Variants in THEMIS observed in about 807,000 individuals in gnomAD.
THEMIS encodes the protein protein THEMIS.
In THEMIS, 37 loss-of-function variants were observed where a neutral mutation model predicts 52.6. That is an observed-to-expected ratio of 0.70 (90% CI 0.54 to 0.93). The LOEUF (loss-of-function observed/expected upper bound fraction) is 0.93, where lower values mean the gene tolerates loss of function less well. Among genes scored for constraint, THEMIS ranks in the 40% least tolerant of loss-of-function variants. The pLI is 0.00. For missense variants in THEMIS, 808 were observed against 763.1 expected, an observed-to-expected ratio of 1.06 and a Z score of -0.69; for synonymous variants, 292 against 272.7, an observed-to-expected ratio of 1.07 and a Z score of -0.70.
chr6:127,857,784 T>C (rs908958937), intron 1 of THEMIS, among the ~76,000 whole-genome samples: 3 of 152,010 alleles, frequency 2.0e-5, no homozygotes, highest in African/African-American at 7.2e-5. Flanking sequence ...TTGCAAACAT[T>C]GGCCTAGGCA....
At chr6:127,760,734 G>T (rs1562240576) in intron 4 of THEMIS, among the ~76,000 whole-genome samples, 1 of 152,068 alleles carries the variant, frequency 6.6e-6, no homozygotes, top group Non-Finnish European at 1.5e-5. Flanking sequence ...CTATGATCAT[G>T]CCACTGCACT....
chr6:127,746,493 G>C (rs1049976113), intron 4 of THEMIS, among the ~76,000 whole-genome samples: 2 of 149,884 alleles, frequency 1.3e-5, no homozygotes, highest in Admixed American at 1.4e-4. Flanking sequence ...ATTCAACTGA[G>C]TTAAGATTAT....
At chr6:127,774,688 C>T (rs1203010243) in intron 4 of THEMIS, among the ~76,000 whole-genome samples, 1 of 152,140 alleles carries the variant, frequency 6.6e-6, no homozygotes, top group Non-Finnish European at 1.5e-5. Context: ...AGTCCGCTAG[C>T]CAAGGATGAT....
intron 4 of THEMIS, among the ~76,000 whole-genome samples, chr6:127,754,301 C>T (rs181973020): frequency 1.3e-5 from 2 of 152,106 alleles, no homozygotes; most frequent in African/African-American, 4.8e-5. Context: ...TGTAGCTGAG[C>T]TTTAACACAA....
At chr6:127,855,236 A>G in intron 1 of THEMIS, 48 bp from the exon 2 acceptor site, 1 of 1,479,356 alleles carries the variant, frequency 6.8e-7, no homozygotes, top group Admixed American at 2.2e-5. Context: ...GAAAACAGTG[A>G]AAAACAAAGT....
chr6:127,912,846 G>A (rs1279856658), intron 1 of THEMIS, among the ~76,000 whole-genome samples: 1 of 152,172 alleles, frequency 6.6e-6, no homozygotes, highest in Non-Finnish European at 1.5e-5. Context: ...AATAGTGCCT[G>A]TAGGCCAAAT....
intron 4 of THEMIS, among the ~76,000 whole-genome samples, chr6:127,806,878 T>G (rs962487916): frequency 1.3e-5 from 2 of 152,226 alleles, no homozygotes; most frequent in African/African-American, 2.4e-5. Flanking sequence ...ATAACTCAAG[T>G]TTGGCTAACT....
At chr6:127,854,844 A>T (rs894091373) in intron 2 of THEMIS, among the ~76,000 whole-genome samples, 186 bp downstream of exon 2, 2 of 151,872 alleles carry the variant, frequency 1.3e-5, no homozygotes, top group Non-Finnish European at 2.9e-5. Flanking sequence ...CTTTCACTTT[A>T]AAAAAGGAGA....
intron 4 of THEMIS, among the ~76,000 whole-genome samples, chr6:127,787,811 A>ATAGATAGT (rs1777005237): frequency 6.9e-6 from 1 of 144,414 alleles, no homozygotes. Flanking sequence ...AGGTAGATAG[A>ATAGATAGT]TAGATAGATA....
intron 4 of THEMIS, among the ~76,000 whole-genome samples, chr6:127,750,466 T>C (rs1775601507): frequency 6.6e-6 from 1 of 151,852 alleles, no homozygotes; most frequent in African/African-American, 2.4e-5. Context: ...TCACTAATTA[T>C]AGGCACAGTT....
intron 1 of THEMIS, among the ~76,000 whole-genome samples, chr6:127,868,893 A>T (rs1406001473): frequency 6.6e-6 from 1 of 152,162 alleles, no homozygotes; most frequent in Non-Finnish European, 1.5e-5. Flanking sequence ...TAAATATATG[A>T]TATATGCCAA....
intron 1 of THEMIS, among the ~76,000 whole-genome samples, chr6:127,891,097 T>G (rs1780791337): frequency 6.6e-6 from 1 of 152,162 alleles, no homozygotes; most frequent in Admixed American, 6.6e-5. Flanking sequence ...CTTTTGTTTT[T>G]CTCACTAAAA....
chr6:127,702,920 C>T, the THEMIS span, among the ~76,000 whole-genome samples: 1 of 151,626 alleles, frequency 6.6e-6, no homozygotes, highest in Non-Finnish European at 1.5e-5. Flanking sequence ...TCAACACACA[C>T]AACACGTGGG....
chr6:127,835,943 T>G (rs187998351), intron 2 of THEMIS, among the ~76,000 whole-genome samples: 48 of 152,288 alleles, frequency 3.2e-4, no homozygotes, highest in African/African-American at 1.0e-3. Flanking sequence ...ATGAGCAGAT[T>G]AGAGGGAGAA....
intron 1 of THEMIS, among the ~76,000 whole-genome samples, chr6:127,907,165 T>C (rs192338859): frequency 9.9e-5 from 15 of 151,948 alleles, no homozygotes; most frequent in Non-Finnish European, 1.5e-4. Flanking sequence ...TTTCTTTTCA[T>C]TGGTTATTTC....
chr6:127,801,787 T>C (rs545087232), intron 4 of THEMIS, among the ~76,000 whole-genome samples: 1 of 152,272 alleles, frequency 6.6e-6, no homozygotes, highest in East Asian at 1.9e-4. Context: ...CCCTGTGTGC[T>C]TCTAGACCTA....
downstream of THEMIS, among the ~76,000 whole-genome samples, chr6:127,704,696 A>G (rs1198100591): frequency 6.6e-6 from 1 of 152,234 alleles, no homozygotes; most frequent in East Asian, 1.9e-4. Flanking sequence ...TTTGCAAGAT[A>G]GAAGCAGCAC....
At chr6:127,797,472 A>G (rs1183921745) in intron 4 of THEMIS, among the ~76,000 whole-genome samples, 1 of 152,196 alleles carries the variant, frequency 6.6e-6, no homozygotes, top group Non-Finnish European at 1.5e-5. Context: ...TGCTATTGAC[A>G]TAAGTGCAGT....
chr6:127,772,289 T>C (rs1234764112), intron 4 of THEMIS, among the ~76,000 whole-genome samples: 1 of 152,054 alleles, frequency 6.6e-6, no homozygotes, highest in African/African-American at 2.4e-5. Flanking sequence ...TTTCTCACAC[T>C]CTCTGCTTAA....
Sources: allele counts gnomAD v4.1 joint callset (sites outside exome capture counted in the v4.1 genomes callset), GRCh38; gene constraint gnomAD v4.1.1; transcripts MANE v1.5; gene names NCBI Gene and HGNC (gene_info 2026-07-23, HGNC 2026-07-21).